Variants in CFAP299 observed in about 807,000 individuals in gnomAD.
CFAP299 encodes cilia- and flagella-associated protein 299.
CFAP299 carries 21 observed loss-of-function variants against 27.0 expected under a neutral mutation model. The observed-to-expected ratio is 0.78, with a 90% CI of 0.55 to 1.12. CFAP299 has a LOEUF of 1.12. Ranked by LOEUF, CFAP299 falls within the 50% of genes most tolerant of loss-of-function variation. CFAP299 has a pLI of 0.00. For synonymous variants in CFAP299, 104 were observed against 98.1 expected (o/e 1.06, Z -0.36); for missense variants, 310 against 276.6 (o/e 1.12, Z -0.86).
intron 3 of CFAP299, among the ~76,000 whole-genome samples, chr4:80,620,651 T>G (rs1238422880): frequency 6.6e-6 from 1 of 152,140 alleles, no homozygotes; most frequent in African/African-American, 2.4e-5. Flanking sequence ...TCCCTTGATT[T>G]AATTAGTTCT....
chr4:80,801,617 T>TAG (rs1553893762), intron 3 of CFAP299, among the ~76,000 whole-genome samples: 2 of 151,768 alleles, frequency 1.3e-5, no homozygotes, highest in Admixed American at 1.3e-4. Context: ...TGACTGTTGG[T>TAG]TAGAAGAAAT....
chr4:80,590,675 T>G (rs1016893186), intron 3 of CFAP299, among the ~76,000 whole-genome samples: 7 of 152,144 alleles, frequency 4.6e-5, no homozygotes, highest in Non-Finnish European at 2.9e-5. Flanking sequence ...GCATCCTTAA[T>G]AACTTATTAT....
chr4:80,610,635 T>TA (rs35711669), intron 3 of CFAP299, among the ~76,000 whole-genome samples: 1 of 152,048 alleles, frequency 6.6e-6, no homozygotes, highest in African/African-American at 2.4e-5. Flanking sequence ...AAGAACTTTT[T>TA]AAAAAAAGTT....
intron 5 of CFAP299, among the ~76,000 whole-genome samples, chr4:80,948,248 T>C (rs1737574358): frequency 6.6e-6 from 1 of 152,280 alleles, no homozygotes; most frequent in African/African-American, 2.4e-5. Context: ...ATGGTAACAG[T>C]GGAAACAGAA....
intron 3 of CFAP299, among the ~76,000 whole-genome samples, chr4:80,719,042 C>G (rs1013794690): frequency 4.5e-4 from 68 of 152,182 alleles, no homozygotes; most frequent in Non-Finnish European, 2.8e-4. Flanking sequence ...AATGCAGGAA[C>G]AGAAAACCAA....
intron 3 of CFAP299, among the ~76,000 whole-genome samples, chr4:80,593,942 C>T (rs1380506705): frequency 6.6e-6 from 1 of 152,028 alleles, no homozygotes; most frequent in African/African-American, 2.4e-5. Flanking sequence ...TTATTTTAAT[C>T]ATGAGTTATC....
intron 3 of CFAP299, among the ~76,000 whole-genome samples, chr4:80,693,492 A>T (rs1163196840): frequency 6.9e-6 from 1 of 145,010 alleles, no homozygotes; most frequent in African/African-American, 2.5e-5. Flanking sequence ...GTGGGAACTG[A>T]ACAATGAGAA....
intron 2 of CFAP299, among the ~76,000 whole-genome samples, chr4:80,376,711 A>G (rs1724430313): frequency 6.6e-6 from 1 of 152,140 alleles, no homozygotes; most frequent in African/African-American, 2.4e-5. Context: ...TGACAATGCA[A>G]TGGCATGATT....
chr4:80,694,157 ATCT>A (rs1305466224), intron 3 of CFAP299, among the ~76,000 whole-genome samples: 1 of 152,170 alleles, frequency 6.6e-6, no homozygotes, highest in Non-Finnish European at 1.5e-5. Flanking sequence ...ATTCTTTGGA[ATCT>A]TCTTTGTTTG....
At chr4:80,398,983 CA>C (rs1725980581) in intron 2 of CFAP299, among the ~76,000 whole-genome samples, 1 of 150,894 alleles carries the variant, frequency 6.6e-6, no homozygotes, top group Admixed American at 6.6e-5. Flanking sequence ...AGAACTCAAA[CA>C]AATTTACAAG....
At chr4:80,614,512 G>T (rs1215557920) in intron 3 of CFAP299, among the ~76,000 whole-genome samples, 2 of 152,198 alleles carry the variant, frequency 1.3e-5, no homozygotes, top group Non-Finnish European at 2.9e-5. Context: ...AGGCGGGAAA[G>T]CACCAAGAGC....
chr4:80,633,907 A>G (rs916187973), intron 3 of CFAP299, among the ~76,000 whole-genome samples: 2 of 151,954 alleles, frequency 1.3e-5, no homozygotes, highest in Non-Finnish European at 2.9e-5. Flanking sequence ...TTAATAATGT[A>G]GAGAACAGAC....
chr4:80,438,923 G>A (rs892769174), intron 2 of CFAP299, among the ~76,000 whole-genome samples: 2 of 152,114 alleles, frequency 1.3e-5, no homozygotes, highest in Non-Finnish European at 2.9e-5. Context: ...GGATTTATAT[G>A]TAGGTCTTTT....
At chr4:80,915,902 G>T (rs1244185219) in intron 4 of CFAP299, among the ~76,000 whole-genome samples, 4 of 151,700 alleles carry the variant, frequency 2.6e-5, no homozygotes, top group Non-Finnish European at 5.9e-5. Flanking sequence ...TATATATTAG[G>T]TGTTTTACAT....
intron 4 of CFAP299, among the ~76,000 whole-genome samples, chr4:80,876,527 A>G (rs57225778): frequency 0.057 from 8,732 of 152,184 alleles, 641 homozygotes; most frequent in African/African-American, 0.17. Context: ...TCTTTTCTTT[A>G]TAAACTTCCC....
intron 2 of CFAP299, among the ~76,000 whole-genome samples, chr4:80,563,277 AGGATAAACCATAT>A (rs1266395816): frequency 2.0e-5 from 3 of 152,194 alleles, no homozygotes; most frequent in Non-Finnish European, 4.4e-5. Flanking sequence ...ATCATTTCCA[AGGATAAACCATAT>A]GTTAGGTCAC....
chr4:80,331,718 G>A (rs1721950404), upstream of CFAP299, among the ~76,000 whole-genome samples: 1 of 152,150 alleles, frequency 6.6e-6, no homozygotes. Flanking sequence ...CACAAAAAGA[G>A]GAAAATTTTC....
intron 4 of CFAP299, among the ~76,000 whole-genome samples, chr4:80,902,321 A>C (rs924849758): frequency 2.0e-5 from 3 of 147,904 alleles, no homozygotes; most frequent in Non-Finnish European, 4.5e-5. Flanking sequence ...CCATATATAT[A>C]TGGATTATTA....
intron 5 of CFAP299, among the ~76,000 whole-genome samples, chr4:80,952,027 C>T (rs1737807570): frequency 2.0e-5 from 3 of 152,246 alleles, no homozygotes; most frequent in Middle Eastern, 3.4e-3. Context: ...AGGTTTTACG[C>T]ATTCTTTGCT....
Sources: allele counts gnomAD v4.1 joint callset (sites outside exome capture counted in the v4.1 genomes callset), GRCh38; gene constraint gnomAD v4.1.1; transcripts MANE v1.5; gene names NCBI Gene and HGNC (gene_info 2026-07-23, HGNC 2026-07-21).